Variants in ASAP1 observed in about 807,000 individuals in gnomAD.
ASAP1 encodes ArfGAP with SH3 domain, ankyrin repeat and PH domain 1.
In ASAP1, 43 loss-of-function variants were observed where a neutral mutation model predicts 145.2. That is an observed-to-expected ratio of 0.30 (90% CI 0.23 to 0.38). ASAP1 has a LOEUF of 0.38. Ranked by LOEUF, ASAP1 falls within the 10% of genes least tolerant of loss-of-function variation. The pLI, the probability that ASAP1 is intolerant of heterozygous loss-of-function variation, is 1.00. For missense variants in ASAP1, 1,018 were observed against 1,355.3 expected (o/e 0.75, Z 3.91); for synonymous variants, 546 against 515.5 (o/e 1.06, Z -0.80).
intron 4 of ASAP1, among the ~76,000 whole-genome samples, chr8:130,215,995 GAAAGGAAAGGAAAGGAAAGGAA>G (rs1212003340): frequency 2.3e-5 from 3 of 131,154 alleles, no homozygotes; most frequent in Non-Finnish European, 3.2e-5. Flanking sequence ...GAAAGGAAAG[GAAAGGAAAGGAAAGGAAAGGAA>G]AAAGGAAAGG....
chr8:130,224,176 A>G (rs1817457247), intron 4 of ASAP1, among the ~76,000 whole-genome samples: 1 of 152,158 alleles, frequency 6.6e-6, no homozygotes, highest in Non-Finnish European at 1.5e-5. Context: ...TTCTCCTAGA[A>G]CAAGTCTTTT....
At chr8:130,401,524 C>T (rs1002345627) in intron 2 of ASAP1, among the ~76,000 whole-genome samples, 1 of 152,170 alleles carries the variant, frequency 6.6e-6, no homozygotes, top group Admixed American at 6.5e-5. Flanking sequence ...GGATTACAGA[C>T]GTGAGCCACC....
intron 2 of ASAP1, among the ~76,000 whole-genome samples, chr8:130,394,382 G>A (rs969365756): frequency 7.2e-5 from 11 of 152,090 alleles, no homozygotes; most frequent in Admixed American, 6.6e-5. Context: ...CTCCCATAGC[G>A]CTCCCAGGCT....
intron 27 of ASAP1, among the ~76,000 whole-genome samples, chr8:130,074,796 T>TGCTG (rs1031227608): frequency 1.3e-5 from 2 of 152,026 alleles, no homozygotes; most frequent in Admixed American, 1.3e-4. Flanking sequence ...AAGGTTGCGG[T>TGCTG]GCTGGGACTG....
At chr8:130,375,339 G>A (rs1463889624) in intron 2 of ASAP1, among the ~76,000 whole-genome samples, 1 of 152,170 alleles carries the variant, frequency 6.6e-6, no homozygotes, top group South Asian at 2.1e-4. Context: ...TGGGAAGAGA[G>A]GCCCAAGGGG....
At chr8:130,240,627 T>C (rs965135219) in intron 3 of ASAP1, among the ~76,000 whole-genome samples, 3 of 152,278 alleles carry the variant, frequency 2.0e-5, no homozygotes, top group African/African-American at 4.8e-5. Flanking sequence ...TTTCTAAGTA[T>C]GTATCCGCAG....
intron 2 of ASAP1, among the ~76,000 whole-genome samples, chr8:130,376,177 C>T (rs1827481996): frequency 6.6e-6 from 1 of 152,208 alleles, no homozygotes; most frequent in Non-Finnish European, 1.5e-5. Context: ...CATTTGGAAG[C>T]ACAGATAGGG....
At chr8:130,334,061 T>C (rs1295318105) in intron 3 of ASAP1, among the ~76,000 whole-genome samples, 1 of 151,962 alleles carries the variant, frequency 6.6e-6, no homozygotes, top group Non-Finnish European at 1.5e-5. Flanking sequence ...GAAAGATGAG[T>C]AGGTGTTCAT....
At chr8:130,191,076 C>T (rs1000117218) in intron 5 of ASAP1, among the ~76,000 whole-genome samples, 3 of 149,560 alleles carry the variant, frequency 2.0e-5, no homozygotes, top group Admixed American at 6.7e-5. Context: ...CACTGCTCTG[C>T]GGCAGTGGCC....
intron 3 of ASAP1, among the ~76,000 whole-genome samples, chr8:130,292,624 A>G (rs1014225878): frequency 6.6e-6 from 1 of 152,180 alleles, no homozygotes; most frequent in Non-Finnish European, 1.5e-5. Context: ...ATTATTCTCT[A>G]CTATAATTGT....
intron 2 of ASAP1, among the ~76,000 whole-genome samples, chr8:130,375,552 G>GA (rs11311647): frequency 1.9e-3 from 269 of 142,964 alleles, no homozygotes; most frequent in Admixed American, 2.3e-3. Flanking sequence ...ACTCTCGAGG[G>GA]AAAAAAAAAA....
At chr8:130,142,380 C>G (rs2097614067) in intron 13 of ASAP1, among the ~76,000 whole-genome samples, 1 of 152,222 alleles carries the variant, frequency 6.6e-6, no homozygotes, top group Admixed American at 6.5e-5. Flanking sequence ...TTAATATCTT[C>G]TTGGGTTATC....
At chr8:130,223,124 T>C (rs1033631006) in intron 4 of ASAP1, among the ~76,000 whole-genome samples, 1 of 152,138 alleles carries the variant, frequency 6.6e-6, no homozygotes, top group Non-Finnish European at 1.5e-5. Flanking sequence ...TGCAAAAAAA[T>C]TATAAAACCA....
chr8:130,412,785 G>A (rs1290704336), intron 1 of ASAP1, among the ~76,000 whole-genome samples: 1 of 151,800 alleles, frequency 6.6e-6, no homozygotes, highest in African/African-American at 2.4e-5. Flanking sequence ...CTGAGTAGCT[G>A]GGATTACAGG....
intron 25 of ASAP1, among the ~76,000 whole-genome samples, chr8:130,085,533 G>A (rs766238698): frequency 6.6e-6 from 1 of 151,996 alleles, no homozygotes; most frequent in Non-Finnish European, 1.5e-5. Context: ...CCAGGAGTTC[G>A]AGACCAGCCT....
At chr8:130,374,574 A>G (rs1827389713) in intron 2 of ASAP1, among the ~76,000 whole-genome samples, 1 of 152,240 alleles carries the variant, frequency 6.6e-6, no homozygotes, top group East Asian at 1.9e-4. Context: ...ATTATTTTGT[A>G]TAATTGCTTT....
intron 3 of ASAP1, among the ~76,000 whole-genome samples, chr8:130,272,107 T>G (rs923154087): frequency 6.6e-6 from 1 of 152,050 alleles, no homozygotes; most frequent in South Asian, 2.1e-4. Context: ...CAGGCTGCAG[T>G]GAGGTGTGAT....
At chr8:130,378,480 G>A (rs183706334) in intron 2 of ASAP1, among the ~76,000 whole-genome samples, 333 of 152,308 alleles carry the variant, frequency 2.2e-3, no homozygotes, top group African/African-American at 7.5e-3. Flanking sequence ...GCAAGTGCAC[G>A]GAGGCTTGAC....
At chr8:130,219,834 G>A (rs749429534) in intron 4 of ASAP1, among the ~76,000 whole-genome samples, 44 of 152,212 alleles carry the variant, frequency 2.9e-4, no homozygotes, top group Non-Finnish European at 6.0e-4. Flanking sequence ...TTGTAGACCT[G>A]CGTGGAGTGC....
Sources: gnomAD v4.1 joint callset for allele counts (sites outside exome capture counted in the v4.1 genomes callset) on GRCh38, gnomAD v4.1.1 for gene constraint, MANE v1.5 for transcripts, NCBI Gene and HGNC (gene_info 2026-07-23, HGNC 2026-07-21) for gene names.